The following RHOU variants were observed in gnomAD, a reference collection of about 807,000 sequenced individuals.
RHOU encodes ras homolog family member U, also known as rho-related GTP-binding protein RhoU.
Under a neutral mutation model 12.6 loss-of-function variants are expected in RHOU, and 8 were observed. The observed-to-expected ratio is 0.64, with a 90% CI of 0.37 to 1.15. The LOEUF (loss-of-function observed/expected upper bound fraction) is 1.15, where lower values mean the gene tolerates loss of function less well. Among genes scored for constraint, RHOU ranks in the 50% most tolerant of loss-of-function variants. The probability of loss-of-function intolerance (pLI) is 0.01; values close to 1 mark genes in which losing one functional copy is unlikely to be tolerated. For missense variants in RHOU, 258 were observed against 347.0 expected, an observed-to-expected ratio of 0.74 and a Z score of 2.04; for synonymous variants, 161 against 147.4, an observed-to-expected ratio of 1.09 and a Z score of -0.67.
chr1:228,698,778 C>T, the RHOU span, among the ~76,000 whole-genome samples: 1 of 152,162 alleles, frequency 6.6e-6, no homozygotes, highest in Non-Finnish European at 1.5e-5. Context: ...TTTTTTCCCC[C>T]ACATCGGCCC....
the RHOU span, among the ~76,000 whole-genome samples, chr1:228,652,811 A>G: frequency 6.6e-6 from 1 of 152,162 alleles, no homozygotes; most frequent in African/African-American, 2.4e-5. Flanking sequence ...CTCTTTACTT[A>G]TATGTTTTGT....
the RHOU span, among the ~76,000 whole-genome samples, chr1:228,707,390 T>C: frequency 6.8e-6 from 1 of 147,908 alleles, no homozygotes; most frequent in Non-Finnish European, 1.5e-5. Context: ...ACACAGAAGA[T>C]GGGTGATTTC....
the RHOU span, among the ~76,000 whole-genome samples, chr1:228,663,719 G>A: frequency 3.0e-4 from 37 of 124,620 alleles, no homozygotes; most frequent in African/African-American, 1.1e-3. Context: ...TGCAACCTCC[G>A]CCTCCCGAGA....
the RHOU span, among the ~76,000 whole-genome samples, chr1:228,675,186 A>G: frequency 6.6e-6 from 1 of 152,276 alleles, no homozygotes; most frequent in African/African-American, 2.4e-5. Flanking sequence ...TCTTGAAAAG[A>G]TCATTCTTCC....
At chr1:228,666,513 C>T in the RHOU span, among the ~76,000 whole-genome samples, 1 of 152,120 alleles carries the variant, frequency 6.6e-6, no homozygotes, top group South Asian at 2.1e-4. Context: ...TGATATAGAA[C>T]ACTAGAACTA....
chr1:228,656,915 C>T, the RHOU span, among the ~76,000 whole-genome samples: 1 of 152,028 alleles, frequency 6.6e-6, no homozygotes, highest in African/African-American at 2.4e-5. Flanking sequence ...ACATGAAACC[C>T]GATTCTATGC....
rs1487024834 is a variant in RHOU, at chr1:228,745,879, A to G, written c.*2139A>G. The G allele has an allele frequency of 6.6e-6, 1 of 152,218 alleles. No individual in the cohort carries two copies. The highest frequency in any genetic ancestry group is 1.5e-5 in the Non-Finnish European group (1 of 68,034). The allele number at this position is 152,218 out of a possible 1,614,324, so 9.4% of individuals were successfully genotyped here. A position where few individuals can be genotyped will look rare whatever the true frequency, so the allele number is the denominator to read the frequency against. ...AGTATAGTGCAAATTCATTTTTAAG[A>G]TAGAACACAAAACTTGAAAGAAGTT... On this transcript the variant is annotated 3_prime_UTR_variant, in exon 3 of 3. Transcript: ENST00000366691.
At chr1:228,730,632 T>G (rs760543271), upstream of RHOU, among the ~76,000 whole-genome samples, 1 of 152,196 alleles carries the variant, frequency 6.6e-6, no homozygotes, top group Non-Finnish European at 1.5e-5. Context: ...ACAACCCAGC[T>G]TAGAGTCTCC....
chr1:228,667,642 C>A, the RHOU span, among the ~76,000 whole-genome samples: 1 of 152,080 alleles, frequency 6.6e-6, no homozygotes, highest in Admixed American at 6.6e-5. Context: ...GGGAAATCGA[C>A]CCATGTTTTC....
Position 228,744,439 on chromosome 1 carries a change from C to T in RHOU, c.*699C>T, listed in dbSNP as rs1571892666. The T allele has an allele frequency of 6.6e-6, 1 of 152,312 alleles. No individual in the cohort carries two copies. The allele number at this position is 152,312 out of a possible 1,614,324, so 9.4% of individuals were successfully genotyped here. ...CCAGTTGTGTTGACACATATGAACA[C>T]AGACAAAGTGCTATGCGGAGGAAAG... On this transcript the variant is annotated 3_prime_UTR_variant, in exon 3 of 3. Coordinates refer to ENST00000366691, the MANE Select transcript of RHOU (RefSeq NM_021205.6).
the RHOU span, among the ~76,000 whole-genome samples, chr1:228,706,161 G>T: frequency 3.3e-5 from 5 of 152,216 alleles, no homozygotes; most frequent in African/African-American, 9.7e-5. Context: ...CTGTGAGAGA[G>T]CAATGGATTC....
At chr1:228,696,191 A>G in the RHOU span, among the ~76,000 whole-genome samples, 1 of 151,364 alleles carries the variant, frequency 6.6e-6, no homozygotes, top group Admixed American at 6.6e-5. Context: ...TTTCCCCTCT[A>G]TTTTTTCTGC....
upstream of RHOU, among the ~76,000 whole-genome samples, chr1:228,732,284 A>G (rs1662513200): frequency 6.6e-6 from 1 of 152,222 alleles, no homozygotes. Context: ...AAGAGGAGAC[A>G]GACAATAAGC....
the RHOU span, among the ~76,000 whole-genome samples, chr1:228,720,041 T>A: frequency 0.019 from 2,948 of 152,150 alleles, 102 homozygotes; most frequent in African/African-American, 0.067. Context: ...AGAATTCCTA[T>A]TAGAAGCCAG....
At chr1:228,683,356 T>C in the RHOU span, among the ~76,000 whole-genome samples, 2 of 152,214 alleles carry the variant, frequency 1.3e-5, no homozygotes, top group African/African-American at 4.8e-5. Flanking sequence ...AGGAGAAATA[T>C]GAAGTTTATT....
the RHOU span, among the ~76,000 whole-genome samples, chr1:228,697,033 C>T: frequency 6.6e-6 from 1 of 152,188 alleles, no homozygotes; most frequent in African/African-American, 2.4e-5. Context: ...CCCACCAGAT[C>T]TGACTAGATG....
At position 228,737,580 on chromosome 1, in the gene RHOU, T is replaced by C. The variant is rs934705768; in HGVS notation, c.263-93T>C. The C allele has an allele frequency of 3.1e-5, 38 of 1,227,244 alleles. No homozygotes were observed. Among genetic ancestry groups the C allele is most frequent in the Non-Finnish European group, 4.2e-5 (35 of 832,066 alleles). 76.0% of individuals were successfully genotyped at this position (1,227,244 alleles called of 1,614,324 possible). A position where few individuals can be genotyped will look rare whatever the true frequency, so the allele number is the denominator to read the frequency against. On this transcript the variant is annotated intron_variant, in intron 1 of 2. Transcript: ENST00000366691. This position sits in a 1 kb window ranked among gnomAD's most constrained non-coding sequence, Gnocchi z 4.1. Reference sequence around the variant, plus strand: ...GACCTAAAATAGGAGCAAAGGGGTTTGGAGTGAGAATGATAGTGAAAGCTA... The same window carrying C: ...GACCTAAAATAGGAGCAAAGGGGTTCGGAGTGAGAATGATAGTGAAAGCTA...
chr1:228,694,312 T>A, the RHOU span, among the ~76,000 whole-genome samples: 1 of 152,218 alleles, frequency 6.6e-6, no homozygotes, highest in African/African-American at 2.4e-5. Context: ...TTTTTAGTCT[T>A]GCTTATTTTT....
In RHOU at chr1:228,743,591, A is replaced by T; in HGVS notation, c.628A>T (p.Asn210Tyr). The part of the protein sequence containing the change: ...YIECSALTQK[N>Y]LKEVFDAAIV... ...CGAGTGTTCAGCCTTGACTCAAAAA[A>T]ACCTCAAAGAGGTCTTTGATGCAGC... The change falls in exon 3 of 3, where the codon AAC (asparagine) becomes TAC (tyrosine). Residue 210 changes from asparagine (N) to tyrosine (Y), a missense_variant. Physicochemically the swap from Asn to Tyr is moderately radical, Grantham distance 143. Coordinates refer to ENST00000366691, the MANE Select transcript of RHOU (RefSeq NM_021205.6). The surrounding 1 kb of genome is among the most constrained non-coding windows in gnomAD (Gnocchi z 5.1). 1 of 1,614,226 alleles carries T rather than the reference A, an allele frequency of 6.2e-7. No individual in the cohort carries two copies. The highest frequency in any genetic ancestry group is 1.1e-5 in the South Asian group (1 of 91,090).
Sources: gnomAD v4.1 joint callset for allele counts (sites outside exome capture counted in the v4.1 genomes callset) on GRCh38, gnomAD v4.1.1 for gene constraint, Gnocchi (gnomAD v3.1) non-coding constraint, MANE v1.5 for transcripts, NCBI Gene and HGNC (gene_info 2026-07-23, HGNC 2026-07-21) for gene names.